RSPH6A: variants seen among roughly 807,000 people sequenced by gnomAD.
The protein encoded by RSPH6A is radial spoke head 6 homolog A.
Under a neutral mutation model 66.1 loss-of-function variants are expected in RSPH6A, and 49 were observed. The ratio of observed to expected loss-of-function variants is 0.74; its 90% CI spans 0.59 to 0.94. The LOEUF (loss-of-function observed/expected upper bound fraction) is 0.94, where lower values mean the gene tolerates loss of function less well. Among genes scored for constraint, RSPH6A ranks in the 40% least tolerant of loss-of-function variants. The probability of loss-of-function intolerance (pLI) is 0.00; values close to 1 mark genes in which losing one functional copy is unlikely to be tolerated. For missense variants in RSPH6A, 977 were observed against 948.3 expected, an observed-to-expected ratio of 1.03 and a Z score of -0.40; for synonymous variants, 419 against 402.4, an observed-to-expected ratio of 1.04 and a Z score of -0.49.
intron 1 of RSPH6A, 46 bp downstream of exon 1, chr19:45,814,481 T>A (rs1600482193): frequency 3.5e-6 from 5 of 1,444,606 alleles, no homozygotes; most frequent in Non-Finnish European, 4.6e-6. Context: ...GTGGGGCCCC[T>A]CCCTGCCTGG....
chr19:45,811,937 T>G (rs182872827), intron 1 of RSPH6A, among the ~76,000 whole-genome samples: 2 of 149,928 alleles, frequency 1.3e-5, no homozygotes, highest in Non-Finnish European at 3.0e-5. Flanking sequence ...CACACCACCA[T>G]CCCCGGCTAA....
At chr19:45,805,849 C>T (rs1548028) in intron 2 of RSPH6A, among the ~76,000 whole-genome samples, 132,978 of 152,188 alleles carry the variant, frequency 0.87, 58,323 homozygotes, top group African/African-American at 0.95. Context: ...GAAAATTTTT[C>T]TTGCCTTTTG....
chr19:45,804,203 G>A lies in RSPH6A; in HGVS notation c.1653+49C>T, dbSNP rs748627031. ...ATGTCAGTATTGCAGGGTCATGCGT[G>A]AGCCCCCTGCTCCTGCCGTTTGTGA... On this transcript the variant is annotated intron_variant, in intron 3 of 5. Transcript: ENST00000221538. The surrounding 1 kb of genome is among the most constrained non-coding windows in gnomAD (Gnocchi z 5.8). 8.1e-6 allele frequency: 12 copies of A among 1,474,084 alleles called. No homozygotes were observed. In the African/African-American group the frequency reaches 1.4e-4, roughly 17 times the overall value. 91.3% of individuals were successfully genotyped at this position (1,474,084 alleles called of 1,614,324 possible).
At chr19:45,812,071 G>A (rs1970637329) in intron 1 of RSPH6A, among the ~76,000 whole-genome samples, 2 of 147,066 alleles carry the variant, frequency 1.4e-5, no homozygotes, top group African/African-American at 2.6e-5. Flanking sequence ...GTGAACCACC[G>A]TGCCTGGCCA....
chr19:45,798,568 G>A (rs1404764473), intron 5 of RSPH6A, among the ~76,000 whole-genome samples: 2 of 144,648 alleles, frequency 1.4e-5, no homozygotes, highest in Non-Finnish European at 3.0e-5. Flanking sequence ...GCCAGGCGCG[G>A]TGGCTCACGC....
rs567908602 is a variant in RSPH6A, at chr19:45,804,452, T to C, written c.1453A>G (p.Ile485Val). ...GNEANYLRAQ[I>V]ARISAATQVS... ...TGCGTGGCGGCCGAGATGCGGGCTATCTGGGCCCGCAGGTAGTTGGCCTCG... is the reference window on the plus strand; with the variant it reads ...TGCGTGGCGGCCGAGATGCGGGCTACCTGGGCCCGCAGGTAGTTGGCCTCG... Residue 485 changes from isoleucine (I) to valine (V), a missense_variant, in exon 3 of 6, where the codon ATA becomes GTA. Transcript: ENST00000221538. This position sits in a 1 kb window ranked among gnomAD's most constrained non-coding sequence, Gnocchi z 5.8. 1.2e-6 allele frequency: 2 copies of C among 1,613,998 alleles called. No individual in the cohort carries two copies. The highest frequency in any genetic ancestry group is 1.7e-5 in the Admixed American group (1 of 60,006).
intron 2 of RSPH6A, 127 bp from the exon 3 acceptor site, chr19:45,805,143 T>TC (rs1970527683): frequency 2.6e-6 from 2 of 757,034 alleles, no homozygotes; most frequent in African/African-American, 3.5e-5. Flanking sequence ...ACGCCTGTAA[T>TC]CCCAGCACTT....
At chr19:45,811,497 G>GTGTGATTTCGGCT (rs1305555746) in intron 1 of RSPH6A, among the ~76,000 whole-genome samples, 1 of 151,558 alleles carries the variant, frequency 6.6e-6, no homozygotes, top group East Asian at 2.0e-4. Flanking sequence ...GAGTGCAGTG[G>GTGTGATTTCGGCT]CACGACCTCA....
rs762938042 is a variant in RSPH6A, at chr19:45,814,634, G to T, written c.543C>A (p.Gly181=). The change falls in exon 1 of 6, where the codon GGC becomes GGA. Residue 181 remains glycine (G), a synonymous_variant. Transcript: ENST00000221538. The part of the protein sequence containing the change: ...PALQFLPSEL[G]FPHYSAQVPE... ...GCACCTGGGCACTGTAGTGTGGGAAGCCCAGCTCAGAGGGCAAGAACTGAA... is the reference window on the plus strand; with the variant it reads ...GCACCTGGGCACTGTAGTGTGGGAATCCCAGCTCAGAGGGCAAGAACTGAA... 85 of 1,605,008 alleles carry T rather than the reference G, an allele frequency of 5.3e-5. No homozygotes were observed. The highest frequency in any genetic ancestry group is 6.3e-5 in the Non-Finnish European group (74 of 1,175,424).
rs746016275 is a variant in RSPH6A at position 45,814,976 on chromosome 19, C to T, written c.201G>A (p.Glu67=). Residue 67 remains glutamate, a synonymous_variant, in exon 1 of 6, where the codon GAG becomes GAA. Transcript: ENST00000221538. ...WSQRGSLSQQ[E]NLLMPQVFQA... is the part of the protein sequence containing the mutation. Reference sequence around the variant, plus strand: ...GGAAGACCTGGGGCATCAGCAAGTTCTCCTGTTGGGACAGGCTGCCCCTCT... The same window carrying T: ...GGAAGACCTGGGGCATCAGCAAGTTTTCCTGTTGGGACAGGCTGCCCCTCT... 3.1e-6 allele frequency: 5 copies of T among 1,613,818 alleles called. No individual in the cohort carries two copies. The highest frequency in any genetic ancestry group is 2.2e-5 in the South Asian group (2 of 91,084).
intron 4 of RSPH6A, 114 bp from the exon 5 acceptor site, chr19:45,800,677 G>T: frequency 1.2e-6 from 1 of 809,708 alleles, no homozygotes; most frequent in Non-Finnish European, 1.9e-6. Flanking sequence ...GGGCATGAGG[G>T]GAACTATAGC....
At chr19:45,809,513 G>A (rs1970594882) in intron 2 of RSPH6A, among the ~76,000 whole-genome samples, 2 of 150,890 alleles carry the variant, frequency 1.3e-5, no homozygotes, top group East Asian at 1.9e-4. Flanking sequence ...ACTTAGCCAG[G>A]ATGGTCTTGA....
intron 1 of RSPH6A, among the ~76,000 whole-genome samples, chr19:45,811,205 G>C (rs1162457785): frequency 1.3e-5 from 2 of 151,868 alleles, no homozygotes; most frequent in Non-Finnish European, 2.9e-5. Flanking sequence ...TGTTGGTCAG[G>C]CTGGTCTCGA....
rs1231063411 is a variant in RSPH6A, at chr19:45,803,023, A to G, written c.1654-759T>C. ...GGAGATAGAGACCATCCTGGCTAAC[A>G]CGGTGAAACCCCATCTCTACTAAAA... On this transcript the variant is annotated intron_variant, in intron 3 of 5. Transcript: ENST00000221538. Among the ~76,000 whole-genome samples the G allele has an allele frequency of 3.3e-5, 5 of 150,928 alleles. No individual in the cohort carries two copies. The East Asian group carries it at 8.1e-4, about 24-fold the overall frequency.
At chr19:45,800,328 G>A in intron 5 of RSPH6A, 118 bp downstream of exon 5, 2 of 831,092 alleles carry the variant, frequency 2.4e-6, no homozygotes, top group East Asian at 2.5e-5. Flanking sequence ...TTAGTCCTTG[G>A]GGCTTCCTGA....
intron 3 of RSPH6A, among the ~76,000 whole-genome samples, chr19:45,803,707 A>AC (rs368424422): frequency 6.6e-6 from 1 of 151,014 alleles, no homozygotes; most frequent in Non-Finnish European, 1.5e-5. Flanking sequence ...AAAAAAAAAA[A>AC]CCAGCCAGGG....
chr19:45,812,152 C>T (rs984572573), intron 1 of RSPH6A, among the ~76,000 whole-genome samples: 2 of 151,672 alleles, frequency 1.3e-5, no homozygotes, highest in African/African-American at 4.8e-5. Context: ...AGTGCAGTGG[C>T]TCGGTCTTGG....
At chr19:45,811,892 T>C (rs1481250668) in intron 1 of RSPH6A, among the ~76,000 whole-genome samples, 1 of 150,614 alleles carries the variant, frequency 6.6e-6, no homozygotes, top group Non-Finnish European at 1.5e-5. Context: ...GTGATTCTCC[T>C]GCCTCGGCCT....
At chr19:45,811,941 C>A (rs1298037971) in intron 1 of RSPH6A, among the ~76,000 whole-genome samples, 1 of 149,908 alleles carries the variant, frequency 6.7e-6, no homozygotes, top group African/African-American at 2.5e-5. Context: ...CCACCATCCC[C>A]GGCTAATTTT....
Sources: gnomAD v4.1 joint callset for allele counts (sites outside exome capture counted in the v4.1 genomes callset) on GRCh38, gnomAD v4.1.1 for gene constraint, Gnocchi (gnomAD v3.1) non-coding constraint, MANE v1.5 for transcripts, NCBI Gene and HGNC (gene_info 2026-07-23, HGNC 2026-07-21) for gene names.